The following SYT12 variants were observed in gnomAD, a reference collection of about 807,000 sequenced individuals.
SYT12 encodes synaptotagmin-12.
A neutral mutation model predicts 39.5 loss-of-function variants in SYT12; 27 were observed. The observed-to-expected ratio is 0.68, with a 90% confidence interval of 0.50 to 0.94. The LOEUF is 0.94. Ranked by LOEUF, SYT12 falls within the 40% of genes least tolerant of loss-of-function variation. The pLI, the probability that SYT12 is intolerant of heterozygous loss-of-function variation, is 0.00. For synonymous variants in SYT12, 233 were observed against 239.7 expected (o/e 0.97, Z 0.26); for missense variants, 536 against 572.6 (o/e 0.94, Z 0.65).
At chr11:67,034,596 G>C in intron 2 of SYT12, 49 bp from the exon 3 acceptor site, 1 of 1,531,872 alleles carries the variant, frequency 6.5e-7, no homozygotes, top group Non-Finnish European at 8.7e-7. Flanking sequence ...CCGGGTGGGG[G>C]TCTGTATCCA....
At chr11:67,029,650 T>C (rs1455777221) in intron 1 of SYT12, 1 of 153,932 alleles carries the variant, frequency 6.5e-6, no homozygotes, top group Non-Finnish European at 1.4e-5. Flanking sequence ...GGCCAGGAGT[T>C]CGATATCAGC....
At chr11:67,025,856 GA>G (rs1950174156) in intron 1 of SYT12, among the ~76,000 whole-genome samples, 1 of 152,092 alleles carries the variant, frequency 6.6e-6, no homozygotes, top group Admixed American at 6.5e-5. Flanking sequence ...TGATGGGGAA[GA>G]CGGCATGAGG....
exon 3 of SYT12, chr11:67,010,980 A>G (rs1950009318): frequency 6.6e-6 from 1 of 152,162 alleles, no homozygotes; most frequent in South Asian, 2.1e-4. Flanking sequence ...ACACAAACAA[A>G]CATCATATTT....
Position 67,040,175 on chromosome 11 carries a change from C to T in SYT12, c.593C>T (p.Pro198Leu), listed in dbSNP as rs201878910. 2.8e-5 allele frequency: 44 copies of T among 1,587,850 alleles called. No homozygotes were observed. The highest frequency in any genetic ancestry group is 2.6e-4 in the South Asian group (23 of 87,090). Residue 198 changes from proline (P) to leucine (L), a missense_variant, in exon 4 of 8, where the codon CCG becomes CTG. Physicochemically the swap from Pro to Leu is moderately conservative, Grantham distance 98 (BLOSUM62 -3). Coordinates refer to ENST00000527043, the MANE Select transcript of SYT12 (RefSeq NM_177963.4). ...ESCFMRVSLLPDEQIVGISRI... is the reference protein window; with the variant it reads ...ESCFMRVSLLLDEQIVGISRI... ...TGCTTCATGCGCGTCAGCCTGCTGCCGGACGAGCAGATCGTGGGCATTTCT... is the reference window on the plus strand; with the variant it reads ...TGCTTCATGCGCGTCAGCCTGCTGCTGGACGAGCAGATCGTGGGCATTTCT...
At position 67,049,006 on chromosome 11, in the gene SYT12, C is replaced by G. The variant is rs752300497; in HGVS notation, c.*249C>G. ...CTGGGCCAGGACAGAGGACTCAACCCTGCTCCTCCCGGTAGGCCAGCTGCC... is the reference window on the plus strand; with the variant it reads ...CTGGGCCAGGACAGAGGACTCAACCGTGCTCCTCCCGGTAGGCCAGCTGCC... On this transcript the variant is annotated 3_prime_UTR_variant, in exon 8 of 8. Coordinates refer to ENST00000527043, the MANE Select transcript of SYT12 (RefSeq NM_177963.4). 1.3e-4 allele frequency: 53 copies of G among 418,086 alleles called. No individual in the cohort carries two copies. Among genetic ancestry groups the G allele is most frequent in the Non-Finnish European group, 2.0e-4 (47 of 233,030 alleles). 25.9% of individuals were successfully genotyped at this position (418,086 alleles called of 1,614,324 possible). A position where few individuals can be genotyped will look rare whatever the true frequency, so the allele number is the denominator to read the frequency against.
At chr11:67,037,549 A>AAAATAAATAAATAAATAAAT (rs34631289) in intron 3 of SYT12, among the ~76,000 whole-genome samples, 1 of 145,774 alleles carries the variant, frequency 6.9e-6, no homozygotes, top group African/African-American at 2.6e-5. Flanking sequence ...CATCTCTACC[A>AAAATAAATAAATAAATAAAT]AAATAAATAA....
chr11:67,048,767 C>A lies in SYT12; in HGVS notation c.*10C>A. On this transcript the variant is annotated 3_prime_UTR_variant, in exon 8 of 8. Coordinates refer to ENST00000527043, the MANE Select transcript of SYT12 (RefSeq NM_177963.4). ...TGTCCGGCGAAACTAGCAACCAGGG[C>A]GGGCCAGTTGGGCAATGGAGCTGCT... The A allele has an allele frequency of 1.3e-6, 2 of 1,588,036 alleles. No individual in the cohort carries two copies. The highest frequency in any genetic ancestry group is 1.7e-6 in the Non-Finnish European group (2 of 1,160,694).
At chr11:67,043,585 C>T (rs1950554734) in intron 4 of SYT12, 53 bp from the exon 5 acceptor site, 1 of 1,571,374 alleles carries the variant, frequency 6.4e-7, no homozygotes, top group Non-Finnish European at 8.7e-7. Flanking sequence ...GTGCTGTCTC[C>T]CTGCTGTGGC....
chr11:67,042,962 G>C (rs1950541638), intron 4 of SYT12, among the ~76,000 whole-genome samples: 1 of 152,204 alleles, frequency 6.6e-6, no homozygotes, highest in Non-Finnish European at 1.5e-5. Flanking sequence ...CCCCAGGCTA[G>C]GCAGCCCCCC....
chr11:67,021,206 T>C (rs1452044854), upstream of SYT12, among the ~76,000 whole-genome samples: 1 of 152,212 alleles, frequency 6.6e-6, no homozygotes, highest in Admixed American at 6.5e-5. Context: ...GTGTACGCTT[T>C]TCTGATCATT....
At chr11:67,047,983 G>C (rs1454650542) in intron 7 of SYT12, among the ~76,000 whole-genome samples, 2 of 148,486 alleles carry the variant, frequency 1.3e-5, no homozygotes, top group African/African-American at 4.9e-5. Context: ...AGTAGAGACG[G>C]GGTTTCACCA....
At chr11:67,043,965 A>T (rs1208440238) in intron 5 of SYT12, 112 bp downstream of exon 5, 2 of 1,040,236 alleles carry the variant, frequency 1.9e-6, no homozygotes, top group African/African-American at 3.2e-5. Flanking sequence ...CCCCATCATC[A>T]TTAGGAGAGC....
At chr11:67,040,865 C>A (rs1199907813) in intron 4 of SYT12, among the ~76,000 whole-genome samples, 2 of 149,048 alleles carry the variant, frequency 1.3e-5, no homozygotes, top group Non-Finnish European at 3.0e-5. Flanking sequence ...AAAAATAAAA[C>A]AGGACTGTCC....
chr11:67,041,762 C>T (rs1238733933), intron 4 of SYT12, among the ~76,000 whole-genome samples: 1 of 152,358 alleles, frequency 6.6e-6, no homozygotes, highest in Admixed American at 6.5e-5. Context: ...TTCCCTCCCC[C>T]TCCAGTTTCC....
chr11:67,039,441 C>T (rs1016046865), intron 3 of SYT12, among the ~76,000 whole-genome samples: 9 of 151,914 alleles, frequency 5.9e-5, no homozygotes, highest in African/African-American at 2.2e-4. Context: ...ATGGAGAAAC[C>T]CCATCTCTAC....
At chr11:67,018,489 C>T (rs1950076948), upstream of SYT12, among the ~76,000 whole-genome samples, 1 of 152,022 alleles carries the variant, frequency 6.6e-6, no homozygotes, top group African/African-American at 2.4e-5. Context: ...CTTACCACCA[C>T]ATTTCAGCCT....
chr11:67,035,900 C>T (rs148250377), intron 3 of SYT12, among the ~76,000 whole-genome samples: 1,661 of 111,698 alleles, frequency 0.015, 74 homozygotes, highest in African/African-American at 0.06. Flanking sequence ...CCCTCCCTCC[C>T]TCCTTCCTTC....
chr11:67,045,921 G>A lies in SYT12; in HGVS notation c.1092+44G>A, dbSNP rs539687700. 4 of 1,609,150 alleles carry A rather than the reference G, an allele frequency of 2.5e-6. No individual in the cohort carries two copies. In the Admixed American group the frequency reaches 6.8e-5, roughly 27 times the overall value. Reference sequence around the variant, plus strand: ...TGGGAAGGGGCCAGGTCACCCCAGGGCTCTGGGGCTGCCGCATCTCTCCAC... The same window carrying A: ...TGGGAAGGGGCCAGGTCACCCCAGGACTCTGGGGCTGCCGCATCTCTCCAC... On this transcript the variant is annotated intron_variant, in intron 7 of 7. Coordinates refer to ENST00000527043, the MANE Select transcript of SYT12 (RefSeq NM_177963.4).
intron 2 of SYT12, chr11:67,031,157 G>A (rs185613553): frequency 6.6e-6 from 1 of 152,444 alleles, no homozygotes; most frequent in African/African-American, 2.4e-5. Flanking sequence ...TGGGCAAGTG[G>A]TGAAACCGGA....
Sources: allele counts gnomAD v4.1 joint callset (sites outside exome capture counted in the v4.1 genomes callset), GRCh38; gene constraint gnomAD v4.1.1; transcripts MANE v1.5; gene names NCBI Gene and HGNC (gene_info 2026-07-23, HGNC 2026-07-21).